MYO18B: variants seen among roughly 807,000 people sequenced by gnomAD.
The protein encoded by MYO18B is unconventional myosin-XVIIIb.
A neutral mutation model predicts 273.0 loss-of-function variants in MYO18B; 204 were observed. That is an observed-to-expected ratio of 0.75 (90% CI 0.67 to 0.84). The LOEUF (loss-of-function observed/expected upper bound fraction) is 0.84. Ranked by LOEUF, MYO18B falls within the 40% of genes least tolerant of loss-of-function variation. The probability of loss-of-function intolerance (pLI) is 0.00; values close to 1 mark genes in which losing one functional copy is unlikely to be tolerated. For synonymous variants in MYO18B, 1,330 were observed against 1,305.7 expected, an observed-to-expected ratio of 1.02 and a Z score of -0.40; for missense variants, 3,212 against 3,287.6, an observed-to-expected ratio of 0.98 and a Z score of 0.56.
At chr22:26,045,982 T>C in the MYO18B span, among the ~76,000 whole-genome samples, 1 of 152,208 alleles carries the variant, frequency 6.6e-6, no homozygotes, top group African/African-American at 2.4e-5. Context: ...CACCTCTCAT[T>C]GGGGAAAAAT....
chr22:25,769,548 G>A (rs1023788478), intron 4 of MYO18B, 120 bp downstream of exon 4: 4 of 915,184 alleles, frequency 4.4e-6, no homozygotes, highest in African/African-American at 3.3e-5. Context: ...GCAGGGAATT[G>A]GAGAGGGGTG....
chr22:25,973,152 G>T (rs2093053646), intron 39 of MYO18B, among the ~76,000 whole-genome samples: 1 of 151,928 alleles, frequency 6.6e-6, no homozygotes, highest in Admixed American at 6.6e-5. Context: ...TCCAGTGTGG[G>T]GTCCAGAAGC....
chr22:25,999,654 C>CCTCCTCCTCCTCCTCCTT (rs1555986339), intron 40 of MYO18B, among the ~76,000 whole-genome samples: 1 of 139,330 alleles, frequency 7.2e-6, no homozygotes, highest in Non-Finnish European at 1.5e-5. Context: ...TCCTCCTTCT[C>CCTCCTCCTCCTCCTCCTT]CTCCTCCTCC....
chr22:25,757,990 G>T (rs1202349470), intron 1 of MYO18B, among the ~76,000 whole-genome samples: 1 of 152,128 alleles, frequency 6.6e-6, no homozygotes, highest in Non-Finnish European at 1.5e-5. Context: ...AAAACAGTTG[G>T]AAAGTTTCTT....
the MYO18B span, among the ~76,000 whole-genome samples, chr22:26,056,206 G>A: frequency 6.6e-6 from 1 of 152,304 alleles, no homozygotes; most frequent in African/African-American, 2.4e-5. Context: ...TTGAGCTCTT[G>A]TAAGTACTGA....
the MYO18B span, among the ~76,000 whole-genome samples, chr22:26,058,107 C>T: frequency 6.6e-6 from 1 of 152,148 alleles, no homozygotes; most frequent in African/African-American, 2.4e-5. Flanking sequence ...AAAACAAGCA[C>T]AAAATGAATG....
chr22:25,768,239 A>T lies in MYO18B; in HGVS notation c.323A>T (p.Glu108Val), dbSNP rs2086576155. ...GGGAGCTCAGACATTCTGGGCAAGG[A>T]GAGCGAGGGGTCCCGCAGCCCCGAC... ...SPGSSDILGKESEGSRSPDPE... is the reference protein window; with the variant it reads ...SPGSSDILGKVSEGSRSPDPE... Residue 108 changes from glutamate to valine, a missense_variant, in exon 4 of 44, where the codon GAG becomes GTG. Transcript: ENST00000335473. The T allele has an allele frequency of 6.2e-7, 1 of 1,614,022 alleles. No homozygotes were observed. Among genetic ancestry groups the T allele is most frequent in the Non-Finnish European group, 8.5e-7 (1 of 1,179,902 alleles).
intron 42 of MYO18B, among the ~76,000 whole-genome samples, chr22:26,007,692 C>T (rs565792908): frequency 6.6e-6 from 1 of 152,272 alleles, no homozygotes; most frequent in Admixed American, 6.5e-5. Flanking sequence ...GATTATCCAG[C>T]CCAACTTGCT....
chr22:25,909,051 TAACA>T (rs1054277132), intron 32 of MYO18B, among the ~76,000 whole-genome samples: 28 of 152,330 alleles, frequency 1.8e-4, no homozygotes, highest in African/African-American at 6.7e-4. Flanking sequence ...TTTAATGGCT[TAACA>T]GTTTTTCACC....
chr22:26,016,438 C>T (rs1054473069), intron 42 of MYO18B, among the ~76,000 whole-genome samples: 4 of 152,162 alleles, frequency 2.6e-5, no homozygotes, highest in Non-Finnish European at 4.4e-5. Flanking sequence ...AGAAATGAAA[C>T]AAGGCTCTTG....
chr22:25,941,072 C>A (rs557099580), intron 34 of MYO18B, among the ~76,000 whole-genome samples: 19 of 152,142 alleles, frequency 1.2e-4, no homozygotes, highest in Non-Finnish European at 2.4e-4. Flanking sequence ...TGCTTTGTAC[C>A]CACATACTCA....
rs780142171 is a variant in MYO18B at position 25,952,362 on chromosome 22, C to T, written c.5909C>T (p.Ala1970Val). 24 of 1,612,480 alleles carry T rather than the reference C, an allele frequency of 1.5e-5. No individual in the cohort carries two copies. The highest frequency in any genetic ancestry group is 2.2e-5 in the South Asian group (2 of 90,546). Residue 1970 changes from alanine (A) to valine (V), a missense_variant, in exon 38 of 44, where the codon GCG becomes GTG. Transcript: ENST00000335473. ...VDRAIVSRQE[A>V]VICDLENKTE... ...CGAGCCATCGTCAGCAGGCAGGAGGCGGTCATCTGTGACCTAGAGAACAAG... is the reference window on the plus strand; with the variant it reads ...CGAGCCATCGTCAGCAGGCAGGAGGTGGTCATCTGTGACCTAGAGAACAAG...
chr22:25,875,505 T>TC (rs11401468), intron 23 of MYO18B, among the ~76,000 whole-genome samples: 89,264 of 150,668 alleles, frequency 0.59, 26,812 homozygotes, highest in South Asian at 0.75. Flanking sequence ...GCTGTTCTGG[T>TC]CCCCCCCCCA....
chr22:26,031,125 T>C, downstream of MYO18B: 1 of 393,606 alleles, frequency 2.5e-6, no homozygotes, highest in Admixed American at 4.4e-5. Flanking sequence ...TTTATTCCCT[T>C]TTTACCAAGG....
In MYO18B at chr22:25,875,050, A is replaced by G. The variant is rs370931702; in HGVS notation, c.4080+636A>G. ...TACTACTAGAATGGAGTCTTGTTGT[A>G]TGTGCCTCCAGTTTATGTGAACTTG... On this transcript the variant is annotated intron_variant, in intron 23 of 43. Transcript: ENST00000335473. 5.3e-5 allele frequency among the ~76,000 whole-genome samples: 8 copies of G among 152,264 alleles called. No individual in the cohort carries two copies. The East Asian group carries it at 9.6e-4, about 18-fold the overall frequency.
At chr22:25,948,536 C>CTTCCTTCCTTCCTTCCTTCCTTCCTTCT (rs1253512216) in intron 36 of MYO18B, among the ~76,000 whole-genome samples, 5 of 144,400 alleles carry the variant, frequency 3.5e-5, no homozygotes, top group African/African-American at 1.3e-4. Flanking sequence ...TTCTTCCTTC[C>CTTCCTTCCTTCCTTCCTTCCTTCCTTCT]TTCCTTCCTT....
At chr22:25,914,602 T>C (rs147811270) in intron 33 of MYO18B, among the ~76,000 whole-genome samples, 118 of 151,912 alleles carry the variant, frequency 7.8e-4, no homozygotes, top group African/African-American at 2.7e-3. Flanking sequence ...TGAACGTTTA[T>C]TATCTTTCAT....
downstream of MYO18B, among the ~76,000 whole-genome samples, chr22:26,033,607 T>C (rs893574049): frequency 2.0e-5 from 3 of 152,166 alleles, no homozygotes; most frequent in Non-Finnish European, 2.9e-5. Flanking sequence ...TCATTAAAAG[T>C]CAATTCAACA....
intron 40 of MYO18B, among the ~76,000 whole-genome samples, chr22:25,998,893 A>G (rs760653601): frequency 3.4e-4 from 51 of 152,208 alleles, no homozygotes; most frequent in Non-Finnish European, 5.3e-4. Flanking sequence ...GATGCTGCAT[A>G]GACCACCTGG....
Sources: allele counts gnomAD v4.1 joint callset (sites outside exome capture counted in the v4.1 genomes callset), GRCh38; gene constraint gnomAD v4.1.1; transcripts MANE v1.5; gene names NCBI Gene and HGNC (gene_info 2026-07-23, HGNC 2026-07-21).